Variants in LSAMP observed in about 807,000 individuals in gnomAD.
The protein encoded by LSAMP is limbic system associated membrane protein, also known as limbic system-associated membrane protein.
In LSAMP, 7 loss-of-function variants were observed where a neutral mutation model predicts 38.6. The observed-to-expected ratio is 0.18, with a 90% CI of 0.10 to 0.34. The LOEUF (loss-of-function observed/expected upper bound fraction) is 0.34, where lower values mean the gene tolerates loss of function less well. Among genes scored for constraint, LSAMP ranks in the 10% least tolerant of loss-of-function variants. The pLI, the probability that LSAMP is intolerant of heterozygous loss-of-function variation, is 1.00. For synonymous variants in LSAMP, 154 were observed against 166.8 expected, an observed-to-expected ratio of 0.92 and a Z score of 0.59; for missense variants, 313 against 420.0, an observed-to-expected ratio of 0.75 and a Z score of 2.23.
At chr3:116,099,220 A>G (rs952825761) in intron 1 of LSAMP, among the ~76,000 whole-genome samples, 1 of 152,174 alleles carries the variant, frequency 6.6e-6, no homozygotes, top group Non-Finnish European at 1.5e-5. Flanking sequence ...CAAAAGTACC[A>G]TCTCTTTAGC....
At chr3:115,884,690 A>G (rs1264214239) in intron 3 of LSAMP, among the ~76,000 whole-genome samples, 1 of 152,058 alleles carries the variant, frequency 6.6e-6, no homozygotes, top group African/African-American at 2.4e-5. Flanking sequence ...ACAAGTTTAC[A>G]AATACGAGCA....
intron 4 of LSAMP, among the ~76,000 whole-genome samples, chr3:115,851,434 C>G (rs1159805506): frequency 6.6e-6 from 1 of 152,094 alleles, no homozygotes; most frequent in East Asian, 1.9e-4. Flanking sequence ...GCAGTTTTAC[C>G]TCCTTGGGTT....
At chr3:115,903,565 A>G (rs571212261) in intron 3 of LSAMP, among the ~76,000 whole-genome samples, 1 of 152,236 alleles carries the variant, frequency 6.6e-6, no homozygotes, top group African/African-American at 2.4e-5. Flanking sequence ...GGCATAAAGA[A>G]CCCTCACAGG....
chr3:116,275,789 T>C (rs1367916825), intron 1 of LSAMP, among the ~76,000 whole-genome samples: 1 of 152,152 alleles, frequency 6.6e-6, no homozygotes, highest in Non-Finnish European at 1.5e-5. Context: ...CTACTTCTCT[T>C]CTCCCAATTT....
chr3:115,864,777 A>ATC (rs1412739622), intron 3 of LSAMP, among the ~76,000 whole-genome samples: 2 of 152,192 alleles, frequency 1.3e-5, no homozygotes, highest in East Asian at 3.8e-4. Context: ...AATAGAGTGT[A>ATC]CATGGAGAAT....
At chr3:116,143,016 T>C (rs1195219039) in intron 1 of LSAMP, among the ~76,000 whole-genome samples, 1 of 148,760 alleles carries the variant, frequency 6.7e-6, no homozygotes, top group Non-Finnish European at 1.5e-5. Context: ...TTATTATATA[T>C]AAAAATATAT....
rs2048832851 is a variant in LSAMP at position 116,400,928 on chromosome 3, A to G, written c.155+43949T>C. On this transcript the variant is annotated intron_variant, in intron 1 of 6. Transcript: ENST00000490035. ...CTGCTATTGTGACCTGTGCATATAT[A>G]CTACCTACCACAGGATGGATCTACT... Among the ~76,000 whole-genome samples, 3 of 152,160 alleles carry G rather than the reference A, an allele frequency of 2.0e-5. No homozygotes were observed. The South Asian group carries it at 6.2e-4, about 32-fold the overall frequency.
At chr3:116,273,214 G>C (rs1249540190) in intron 1 of LSAMP, among the ~76,000 whole-genome samples, 1 of 151,890 alleles carries the variant, frequency 6.6e-6, no homozygotes, top group Non-Finnish European at 1.5e-5. Flanking sequence ...TCTTATCCTT[G>C]ACTGACACAG....
At chr3:115,975,019 T>A (rs1018256468) in intron 3 of LSAMP, among the ~76,000 whole-genome samples, 3 of 152,194 alleles carry the variant, frequency 2.0e-5, no homozygotes, top group African/African-American at 4.8e-5. Context: ...ATCAAAGCTA[T>A]GTTGGAGGTT....
intron 1 of LSAMP, among the ~76,000 whole-genome samples, chr3:116,220,659 T>C (rs2107616056): frequency 6.6e-6 from 1 of 152,282 alleles, no homozygotes; most frequent in Non-Finnish European, 1.5e-5. Context: ...TTCTCGAGCA[T>C]CATACATTTA....
intron 1 of LSAMP, among the ~76,000 whole-genome samples, chr3:116,356,801 T>C (rs2048228527): frequency 6.6e-6 from 1 of 152,214 alleles, no homozygotes; most frequent in African/African-American, 2.4e-5. Flanking sequence ...CTTTCTTTTT[T>C]TTTGTTTTTT....
At chr3:115,920,979 G>T (rs1937369557) in intron 3 of LSAMP, among the ~76,000 whole-genome samples, 1 of 151,636 alleles carries the variant, frequency 6.6e-6, no homozygotes, top group Admixed American at 6.6e-5. Flanking sequence ...GACAGTTTTT[G>T]ATTTAAAGTC....
chr3:116,351,753 T>C (rs746526520), intron 1 of LSAMP, among the ~76,000 whole-genome samples: 12 of 152,130 alleles, frequency 7.9e-5, no homozygotes, highest in Admixed American at 4.6e-4. Context: ...TCCAGTATCA[T>C]TCCCTTCAAA....
chr3:116,145,848 A>G (rs1415157206), intron 1 of LSAMP, among the ~76,000 whole-genome samples: 1 of 151,906 alleles, frequency 6.6e-6, no homozygotes, highest in Non-Finnish European at 1.5e-5. Context: ...TCTAATCTGT[A>G]GTTGAATTTT....
At chr3:115,926,042 G>A (rs1047588579) in intron 3 of LSAMP, among the ~76,000 whole-genome samples, 22 of 151,814 alleles carry the variant, frequency 1.4e-4, no homozygotes, top group Admixed American at 1.2e-3. Context: ...ATCCTAGAGA[G>A]CATTAAAAAG....
rs551925544 is a variant in LSAMP at position 116,227,239 on chromosome 3, G to T, written c.156-140683C>A. Among the ~76,000 whole-genome samples, 3 of 152,242 alleles carry T rather than the reference G, an allele frequency of 2.0e-5. 1 individual carries two copies. The South Asian group carries it at 6.2e-4, about 32-fold the overall frequency. ...TTGTACTGTACTACACTCAAGTAGA[G>T]CCTACTCATCTTTCTAGTCTCAATT... On this transcript the variant is annotated intron_variant, in intron 1 of 6. Transcript: ENST00000490035.
chr3:116,093,120 T>C (rs190538695), intron 1 of LSAMP, among the ~76,000 whole-genome samples: 1 of 152,324 alleles, frequency 6.6e-6, no homozygotes, highest in East Asian at 1.9e-4. Context: ...GTAAGAGAAA[T>C]CTATTTGTTT....
intron 3 of LSAMP, among the ~76,000 whole-genome samples, chr3:115,919,129 C>T (rs1036740675): frequency 6.6e-6 from 1 of 152,142 alleles, no homozygotes; most frequent in Non-Finnish European, 1.5e-5. Context: ...CCTCCCTCCC[C>T]ACTCCTCACC....
chr3:116,018,019 G>T (rs1165374424), intron 3 of LSAMP, among the ~76,000 whole-genome samples: 2 of 152,132 alleles, frequency 1.3e-5, no homozygotes, highest in African/African-American at 2.4e-5. Context: ...CCAAGGGAAA[G>T]ATATAATATC....
Sources: gnomAD v4.1 joint callset for allele counts (sites outside exome capture counted in the v4.1 genomes callset) on GRCh38, gnomAD v4.1.1 for gene constraint, MANE v1.5 for transcripts, NCBI Gene and HGNC (gene_info 2026-07-23, HGNC 2026-07-21) for gene names.